CD99L2: variants seen among roughly 807,000 people sequenced by gnomAD.
The protein encoded by CD99L2 is CD99 antigen-like protein 2.
Under a neutral mutation model 27.3 loss-of-function variants are expected in CD99L2, and 24 were observed. The ratio of observed to expected loss-of-function variants is 0.88; its 90% CI spans 0.64 to 1.24. The LOEUF is 1.24. Among genes scored for constraint, CD99L2 ranks in the 50% most tolerant of loss-of-function variants. The probability of loss-of-function intolerance (pLI) is 0.00; values close to 1 mark genes in which losing one functional copy is unlikely to be tolerated. For synonymous variants in CD99L2, 97 were observed against 87.9 expected, an observed-to-expected ratio of 1.10 and a Z score of -0.58; for missense variants, 255 against 221.6, an observed-to-expected ratio of 1.15 and a Z score of -0.96.
chrX:150,792,152 C>G (rs1040611005), intron 7 of CD99L2, among the ~76,000 whole-genome samples: 2 of 111,985 alleles, frequency 1.8e-5, no homozygotes, highest in Admixed American at 1.9e-4. Flanking sequence ...TTCCTGACAC[C>G]TATAATGGCA....
intron 4 of CD99L2, among the ~76,000 whole-genome samples, chrX:150,797,547 T>C (rs782405735): frequency 1.6e-4 from 18 of 112,404 alleles, no homozygotes; most frequent in Admixed American, 9.4e-5. Flanking sequence ...AAAATCCCAA[T>C]GACATTTGTT....
At chrX:150,816,160 A>C (rs1315446196) in intron 2 of CD99L2, 82 bp from the exon 3 acceptor site, 1 of 940,768 alleles carries the variant, frequency 1.1e-6, no homozygotes, top group East Asian at 3.1e-5. Context: ...GGGAAGTCAC[A>C]TTGTGAGTAG....
intron 2 of CD99L2, among the ~76,000 whole-genome samples, chrX:150,817,433 T>C (rs1557420560): frequency 9.0e-6 from 1 of 111,254 alleles, no homozygotes; most frequent in Non-Finnish European, 1.9e-5. Flanking sequence ...TGGTTACTAC[T>C]GGAAATATTA....
chrX:150,869,254 T>C (rs1470862648), intron 1 of CD99L2, among the ~76,000 whole-genome samples: 3 of 111,318 alleles, frequency 2.7e-5, no homozygotes, highest in South Asian at 3.8e-4. Context: ...GTACAAACCA[T>C]TGCCATCTGA....
Position 150,848,120 on chromosome X carries a change from C to A in CD99L2, c.68-16827G>T, listed in dbSNP as rs192252617. Among the ~76,000 whole-genome samples the A allele has an allele frequency of 1.4e-4, 15 of 107,753 alleles. No individual in the cohort carries two copies. The East Asian group carries it at 2.1e-3, about 15-fold the overall frequency. The allele number at this position is 107,753 out of a possible 115,157, so 93.6% of individuals were successfully genotyped here. On this transcript the variant is annotated intron_variant, in intron 1 of 10. Transcript: ENST00000370377. ...TAACTATGGCCTGCAGGCCCCCCCCCCCTTGTACTATACCTCTCACAGTAT... is the reference window on the plus strand; with the variant it reads ...TAACTATGGCCTGCAGGCCCCCCCCACCTTGTACTATACCTCTCACAGTAT...
At position 150,768,970 on chromosome X, in the gene CD99L2, G is replaced by A; in HGVS notation, c.*64C>T. ...ACAGCAGCTGCGGGTCCAAATGAAG[G>A]GGTGGGGGGAGCCGGGTGACAAGCG... On this transcript the variant is annotated 3_prime_UTR_variant, in exon 11 of 11. Transcript: ENST00000370377. 1 of 1,106,313 alleles carries A rather than the reference G, an allele frequency of 9.0e-7. No individual in the cohort carries two copies. Among genetic ancestry groups the A allele is most frequent in the South Asian group, 2.4e-5 (1 of 42,252 alleles). The allele number at this position is 1,106,313 out of a possible 1,213,427, so 91.2% of individuals were successfully genotyped here.
intron 1 of CD99L2, among the ~76,000 whole-genome samples, chrX:150,855,793 C>T (rs911333196): frequency 9.0e-6 from 1 of 111,592 alleles, no homozygotes; most frequent in Admixed American, 9.4e-5. Context: ...CAGCAGCTAA[C>T]GGGGGCAAGA....
intron 6 of CD99L2, among the ~76,000 whole-genome samples, chrX:150,794,586 G>C (rs967470953): frequency 8.9e-6 from 1 of 112,551 alleles, no homozygotes; most frequent in African/African-American, 3.2e-5. Flanking sequence ...ACTGATAAGA[G>C]TTTCACACTC....
intron 1 of CD99L2, among the ~76,000 whole-genome samples, chrX:150,859,790 C>T (rs1289029113): frequency 1.0e-4 from 11 of 109,774 alleles, no homozygotes; most frequent in Admixed American, 2.0e-4. Context: ...TAAGCCACCG[C>T]GCCCGGCAGC....
intron 4 of CD99L2, among the ~76,000 whole-genome samples, chrX:150,814,247 C>T (rs1220264091): frequency 8.9e-6 from 1 of 112,546 alleles, no homozygotes; most frequent in African/African-American, 3.2e-5. Context: ...CTCCACACTA[C>T]GCTTAACCTG....
chrX:150,777,827 G>A (rs1223387211), intron 7 of CD99L2, among the ~76,000 whole-genome samples: 1 of 112,102 alleles, frequency 8.9e-6, no homozygotes, highest in Non-Finnish European at 1.9e-5. Flanking sequence ...ATAAGTGGGG[G>A]GTGGGGTGGG....
At chrX:150,869,807 A>T (rs1557422142) in intron 1 of CD99L2, among the ~76,000 whole-genome samples, 1 of 111,332 alleles carries the variant, frequency 9.0e-6, no homozygotes, top group African/African-American at 3.3e-5. Flanking sequence ...GACTATCCAT[A>T]TAAGCAAGTA....
intron 2 of CD99L2, among the ~76,000 whole-genome samples, chrX:150,817,143 C>T (rs1432562447): frequency 2.0e-5 from 2 of 102,046 alleles, no homozygotes; most frequent in Non-Finnish European, 4.0e-5. Context: ...CACATGTATA[C>T]ATATGTAACT....
intron 7 of CD99L2, among the ~76,000 whole-genome samples, chrX:150,792,830 C>A (rs782593853): frequency 8.0e-5 from 9 of 112,311 alleles, no homozygotes; most frequent in Middle Eastern, 4.6e-3. Context: ...CTTGCCACAT[C>A]AACAAATCTG....
At chrX:150,861,811 CAGGAG>C (rs2046982064) in intron 1 of CD99L2, among the ~76,000 whole-genome samples, 1 of 108,737 alleles carries the variant, frequency 9.2e-6, no homozygotes, top group African/African-American at 3.4e-5. Context: ...GAGGCTGAGG[CAGGAG>C]AATAGCTTGA....
At chrX:150,859,310 C>T (rs1224139276) in intron 1 of CD99L2, among the ~76,000 whole-genome samples, 2 of 110,524 alleles carry the variant, frequency 1.8e-5, no homozygotes, top group African/African-American at 6.6e-5. Context: ...ACCAGCCTGG[C>T]CAAGATGGTG....
chrX:150,800,438 A>T (rs1284443877), intron 4 of CD99L2, among the ~76,000 whole-genome samples: 2 of 112,079 alleles, frequency 1.8e-5, no homozygotes, highest in Non-Finnish European at 3.8e-5. Context: ...CAACTATAAA[A>T]ATAATATAAA....
At chrX:150,792,782 C>T (rs187415378) in intron 7 of CD99L2, among the ~76,000 whole-genome samples, 194 of 112,290 alleles carry the variant, frequency 1.7e-3, no homozygotes, top group African/African-American at 5.7e-3. Flanking sequence ...GTTACAATCA[C>T]GACAGGTTAC....
intron 1 of CD99L2, among the ~76,000 whole-genome samples, chrX:150,866,217 T>C (rs1171407655): frequency 9.0e-6 from 1 of 111,491 alleles, no homozygotes; most frequent in Non-Finnish European, 1.9e-5. Context: ...CTCTTGGAAT[T>C]CTTGACCATT....
Sources: gnomAD v4.1 joint callset for allele counts (sites outside exome capture counted in the v4.1 genomes callset) on GRCh38, gnomAD v4.1.1 for gene constraint, MANE v1.5 for transcripts, NCBI Gene and HGNC (gene_info 2026-07-23, HGNC 2026-07-21) for gene names.